The following MGAT4C variants were observed in gnomAD, a reference collection of about 807,000 sequenced individuals.
MGAT4C encodes the protein alpha-1,3-mannosyl-glycoprotein 4-beta-N-acetylglucosaminyltransferase C.
A neutral mutation model predicts 40.1 loss-of-function variants in MGAT4C; 19 were observed. The observed-to-expected ratio is 0.47, with a 90% CI of 0.33 to 0.70. MGAT4C has a LOEUF of 0.70. MGAT4C is among the 30% of genes least tolerant of loss of function. The pLI, the probability that MGAT4C is intolerant of heterozygous loss-of-function variation, is 0.02. For missense variants in MGAT4C, 491 were observed against 563.2 expected (o/e 0.87, Z 1.30); for synonymous variants, 181 against 187.1 (o/e 0.97, Z 0.27).
chr12:86,541,839 A>T (rs541530037), intron 2 of MGAT4C, among the ~76,000 whole-genome samples: 6 of 152,196 alleles, frequency 3.9e-5, no homozygotes, highest in Non-Finnish European at 7.3e-5. Flanking sequence ...GCTTTGTATA[A>T]GCAAATCAAT....
intron 2 of MGAT4C, among the ~76,000 whole-genome samples, chr12:86,708,438 C>T (rs1270759827): frequency 5.3e-5 from 8 of 152,204 alleles, no homozygotes; most frequent in African/African-American, 1.9e-4. Context: ...CTGGGCAGTG[C>T]AGAAGGGAAA....
intron 4 of MGAT4C, among the ~76,000 whole-genome samples, chr12:86,279,033 T>G (rs1049169844): frequency 6.6e-6 from 1 of 151,550 alleles, no homozygotes; most frequent in South Asian, 2.1e-4. Flanking sequence ...TTAAATGTGT[T>G]GTTGAATTTG....
intron 1 of MGAT4C, among the ~76,000 whole-genome samples, chr12:86,228,078 G>A: frequency 6.6e-6 from 1 of 151,720 alleles, no homozygotes; most frequent in East Asian, 1.9e-4. Flanking sequence ...TATGCATCAA[G>A]TACCATATCA....
intron 2 of MGAT4C, among the ~76,000 whole-genome samples, chr12:86,029,810 T>C (rs985283854): frequency 1.3e-5 from 2 of 151,802 alleles, no homozygotes; most frequent in Non-Finnish European, 2.9e-5. Context: ...TGAATGTGTG[T>C]AATTCAAGAA....
chr12:86,067,030 A>G (rs1894609883), intron 1 of MGAT4C, among the ~76,000 whole-genome samples: 2 of 152,218 alleles, frequency 1.3e-5, no homozygotes, highest in South Asian at 2.1e-4. Context: ...GCCAGTTAGA[A>G]TGGTGATCAT....
intron 3 of MGAT4C, among the ~76,000 whole-genome samples, chr12:86,400,184 A>G (rs551713280): frequency 6.6e-6 from 1 of 152,300 alleles, no homozygotes; most frequent in South Asian, 2.1e-4. Context: ...TGGTCACAGA[A>G]GTCTTCTATA....
intron 1 of MGAT4C, among the ~76,000 whole-genome samples, chr12:86,243,262 T>G (rs894667989): frequency 1.3e-5 from 2 of 152,228 alleles, no homozygotes; most frequent in Admixed American, 1.3e-4. Context: ...TGAGCTCTGC[T>G]ACTTGCAAAC....
At chr12:86,371,054 AC>A (rs1222502673) in intron 3 of MGAT4C, among the ~76,000 whole-genome samples, 1 of 152,032 alleles carries the variant, frequency 6.6e-6, no homozygotes, top group Non-Finnish European at 1.5e-5. Context: ...TAAAATTCAT[AC>A]TGAGTCTTAC....
At chr12:85,997,987 A>G (rs1255663271) in intron 2 of MGAT4C, among the ~76,000 whole-genome samples, 1 of 152,180 alleles carries the variant, frequency 6.6e-6, no homozygotes, top group African/African-American at 2.4e-5. Flanking sequence ...GAGGTTCTCT[A>G]TGAGGGCCCT....
rs533161082 is a variant in MGAT4C, at chr12:86,080,745, G to C, written c.-56-31022C>G. On this transcript the variant is annotated intron_variant, in intron 1 of 4. Transcript: ENST00000611864. Reference sequence around the variant, plus strand: ...AATTAATAGGCATGAAAGAAAAAAAGGAGGGACTTATTAACTGAAGGAAGG... The same window carrying C: ...AATTAATAGGCATGAAAGAAAAAAACGAGGGACTTATTAACTGAAGGAAGG... Among the ~76,000 whole-genome samples the C allele has an allele frequency of 2.0e-5, 3 of 152,270 alleles. No homozygotes were observed. The East Asian group carries it at 5.8e-4, about 29-fold the overall frequency.
At chr12:86,123,149 G>T (rs895146503) in intron 1 of MGAT4C, among the ~76,000 whole-genome samples, 4 of 152,116 alleles carry the variant, frequency 2.6e-5, no homozygotes, top group African/African-American at 9.7e-5. Flanking sequence ...GGCCACTCAA[G>T]ATTTCTTTGT....
chr12:86,250,872 T>C (rs2136074670), intron 1 of MGAT4C, among the ~76,000 whole-genome samples: 1 of 152,226 alleles, frequency 6.6e-6, no homozygotes, highest in South Asian at 2.1e-4. Context: ...ATTAGTATGA[T>C]TGGTTCCCAA....
chr12:86,813,049 G>A (rs1184882780), intron 1 of MGAT4C, among the ~76,000 whole-genome samples: 1 of 152,042 alleles, frequency 6.6e-6, no homozygotes, highest in Non-Finnish European at 1.5e-5. Context: ...GTATATGCAA[G>A]ACATATACTG....
intron 2 of MGAT4C, among the ~76,000 whole-genome samples, chr12:86,477,404 A>T (rs1452296074): frequency 1.3e-5 from 2 of 151,982 alleles, no homozygotes; most frequent in African/African-American, 2.4e-5. Flanking sequence ...GAAACTGGGG[A>T]CTACTAGAGG....
At chr12:86,492,404 A>T (rs1958155202) in intron 2 of MGAT4C, among the ~76,000 whole-genome samples, 1 of 152,128 alleles carries the variant, frequency 6.6e-6, no homozygotes, top group African/African-American at 2.4e-5. Context: ...CTATACTACA[A>T]TGTACAGTAA....
intron 2 of MGAT4C, among the ~76,000 whole-genome samples, chr12:86,558,792 T>C (rs187619838): frequency 1.3e-5 from 2 of 151,990 alleles, no homozygotes; most frequent in East Asian, 3.9e-4. Context: ...CAAACCATGA[T>C]GATAATTAGA....
At chr12:86,415,679 G>A (rs1360132386) in intron 3 of MGAT4C, among the ~76,000 whole-genome samples, 1 of 151,990 alleles carries the variant, frequency 6.6e-6, no homozygotes, top group African/African-American at 2.4e-5. Flanking sequence ...GAGGATCAAT[G>A]AAGATACAAA....
In MGAT4C at chr12:86,396,482, G is replaced by A. The variant is rs768596277; in HGVS notation, c.-120+38675C>T. ...AAAAAGACACTGCTGCATTTGACCC[G>A]CAGCAGGAAATTAATGCTCTTGGCA... On this transcript the variant is annotated intron_variant, in intron 3 of 7. Transcript: ENST00000548651. Among the ~76,000 whole-genome samples, 234 of 152,116 alleles carry A rather than the reference G, an allele frequency of 1.5e-3. 3 individuals are homozygous for A. The highest frequency in any genetic ancestry group is 2.3e-3 in the Non-Finnish European group (155 of 68,016).
intron 1 of MGAT4C, among the ~76,000 whole-genome samples, chr12:86,251,311 A>C (rs1428592331): frequency 6.6e-6 from 1 of 151,976 alleles, no homozygotes; most frequent in African/African-American, 2.4e-5. Flanking sequence ...AGACACACAG[A>C]AGCACAAGAA....
Sources: gnomAD v4.1 joint callset for allele counts (sites outside exome capture counted in the v4.1 genomes callset) on GRCh38, gnomAD v4.1.1 for gene constraint, MANE v1.5 for transcripts, NCBI Gene and HGNC (gene_info 2026-07-23, HGNC 2026-07-21) for gene names.